Variants in KCNV1 observed in about 807,000 individuals in gnomAD.
The protein encoded by KCNV1 is potassium voltage-gated channel subfamily V member 1.
A neutral mutation model predicts 36.4 loss-of-function variants in KCNV1; 2 were observed. That is an observed-to-expected ratio of 0.05 (90% CI 0.02 to 0.17). The LOEUF (loss-of-function observed/expected upper bound fraction) is 0.17, where lower values mean the gene tolerates loss of function less well. Among genes scored for constraint, KCNV1 ranks in the 10% least tolerant of loss-of-function variants. KCNV1 has a pLI of 1.00. For synonymous variants in KCNV1, 280 were observed against 261.1 expected, an observed-to-expected ratio of 1.07 and a Z score of -0.70; for missense variants, 321 against 643.6, an observed-to-expected ratio of 0.50 and a Z score of 5.42.
Position 109,967,830 on chromosome 8 carries a change from A to G in KCNV1, c.*258T>C. 2.8e-6 allele frequency: 1 copy of G among 356,118 alleles called. No homozygotes were observed. The highest frequency in any genetic ancestry group is 5.1e-6 in the Non-Finnish European group (1 of 196,330). The allele number at this position is 356,118 out of a possible 1,614,324, so 22.1% of individuals were successfully genotyped here. On this transcript the variant is annotated 3_prime_UTR_variant, in exon 4 of 4. Transcript: ENST00000524391. ...CAATAACATTATTTTATATTTGACA[A>G]TTCAAACATGTTTATATTGGCCCAG...
In KCNV1 at chr8:109,967,958, A is replaced by G. The variant is rs191860698; in HGVS notation, c.*130T>C. On this transcript the variant is annotated 3_prime_UTR_variant, in exon 4 of 4. Transcript: ENST00000524391. ...GAAATATTCTAGTAGATGAAGCAAT[A>G]TATCAGCAAAAATTAATTAAGATGA... 5.8e-6 allele frequency: 5 copies of G among 864,290 alleles called. No homozygotes were observed. Among genetic ancestry groups the G allele is most frequent in the Non-Finnish European group, 8.7e-6 (5 of 574,426 alleles). 53.5% of individuals were successfully genotyped at this position (864,290 alleles called of 1,614,324 possible). A position where few individuals can be genotyped will look rare whatever the true frequency, so the allele number is the denominator to read the frequency against.
At chr8:109,973,793 C>T (rs377408505) in intron 2 of KCNV1, 135 bp downstream of exon 2, 4 of 549,522 alleles carry the variant, frequency 7.3e-6, no homozygotes, top group East Asian at 6.4e-5. Flanking sequence ...CACCTGTCAG[C>T]CCAGAAGTGG....
At position 109,972,530 on chromosome 8, in the gene KCNV1, T is replaced by C; in HGVS notation, c.719A>G (p.Gln240Arg). 6.2e-7 allele frequency: 1 copy of C among 1,614,194 alleles called. No homozygotes were observed. The highest frequency in any genetic ancestry group is 8.5e-7 in the Non-Finnish European group (1 of 1,180,044). The change falls in exon 3 of 4, where the codon CAG becomes CGG. Residue 240 changes from glutamine (Q) to arginine (R), a missense_variant. Gln to Arg is a conservative substitution (Grantham distance 43). Transcript: ENST00000524391. The surrounding 1 kb of genome is among the most constrained non-coding windows in gnomAD (Gnocchi z 5.2). ...MSAELSWLDL[Q>R]LLEILEYVCI... is the part of the protein sequence containing the mutation. ...CACATACTCCAGGATTTCCAGCAGC[T>C]GCAGGTCCAGCCAGCTTAACTCAGC...
At position 109,965,856 on chromosome 8, in the gene KCNV1, C is replaced by T. The variant is rs928863369; in HGVS notation, c.*2232G>A. ...AGGAAGAATGAAATCTGCAATTTGA[C>T]TTTTAGGAGTGTCGTTTTCCGGGTC... On this transcript the variant is annotated 3_prime_UTR_variant, in exon 4 of 4. Coordinates refer to ENST00000524391, the MANE Select transcript of KCNV1 (RefSeq NM_014379.4). 1 of 152,164 alleles carries T rather than the reference C, an allele frequency of 6.6e-6. No individual in the cohort carries two copies. The allele number at this position is 152,164 out of a possible 1,614,324, so 9.4% of individuals were successfully genotyped here. A position where few individuals can be genotyped will look rare whatever the true frequency, so the allele number is the denominator to read the frequency against.
In KCNV1 at chr8:109,968,253, T is replaced by C. The variant is rs538554637; in HGVS notation, c.1338A>G (p.Arg446=). Residue 446 remains arginine (R), a synonymous_variant, in exon 4 of 4, where the codon AGA becomes AGG. Coordinates refer to ENST00000524391, the MANE Select transcript of KCNV1 (RefSeq NM_014379.4). This position sits in a 1 kb window ranked among gnomAD's most constrained non-coding sequence, Gnocchi z 5.3. ...FTLKLKEAAV[R]QREALKKLTK... ...TAAGCTTCTTTAGGGCTTCACGCTG[T>C]CTAACAGCTGCTTCCTTGAGTTTCA... 9 of 1,614,172 alleles carry C rather than the reference T, an allele frequency of 5.6e-6. No individual in the cohort carries two copies. The South Asian group carries it at 8.8e-5, about 16-fold the overall frequency.
chr8:109,967,999 G>T lies in KCNV1; in HGVS notation c.*89C>A. On this transcript the variant is annotated 3_prime_UTR_variant, in exon 4 of 4. Coordinates refer to ENST00000524391, the MANE Select transcript of KCNV1 (RefSeq NM_014379.4). ...ATTAAGATGAGCAGTACTCTGAAGA[G>T]ACTCATCATCAGAATACAGAAATCC... 1 of 1,243,096 alleles carries T rather than the reference G, an allele frequency of 8.0e-7. No individual in the cohort carries two copies. The highest frequency in any genetic ancestry group is 1.1e-6 in the Non-Finnish European group (1 of 894,986). 77.0% of individuals were successfully genotyped at this position (1,243,096 alleles called of 1,614,324 possible).
intron 3 of KCNV1, among the ~76,000 whole-genome samples, chr8:109,971,278 G>T (rs191727249): frequency 1.0e-3 from 155 of 152,244 alleles, no homozygotes; most frequent in African/African-American, 3.1e-3. Flanking sequence ...TTTATAAAAT[G>T]TGTGCTCCTA....
Position 109,972,156 on chromosome 8 carries a change from A to T in KCNV1, c.991+102T>A. 8.2e-7 allele frequency: 1 copy of T among 1,213,548 alleles called. No homozygotes were observed. The highest frequency in any genetic ancestry group is 1.1e-6 in the Non-Finnish European group (1 of 879,010). 75.2% of individuals were successfully genotyped at this position (1,213,548 alleles called of 1,614,324 possible). ...GATCAGGTAAAGTATGGGAGTTGGT[A>T]ATTTTGAATATCAGTTCAGCGTTAC... is the stretch of plus-strand genomic sequence containing the variant. On this transcript the variant is annotated intron_variant, in intron 3 of 3. Coordinates refer to ENST00000524391, the MANE Select transcript of KCNV1 (RefSeq NM_014379.4). This position sits in a 1 kb window ranked among gnomAD's most constrained non-coding sequence, Gnocchi z 5.2.
At position 109,972,368 on chromosome 8, in the gene KCNV1, C is replaced by G. The variant is rs772251494; in HGVS notation, c.881G>C (p.Ser294Thr). Residue 294 changes from serine to threonine, a missense_variant, in exon 3 of 4, where the codon AGC becomes ACC. Ser to Thr is a moderately conservative substitution (Grantham distance 58). Coordinates refer to ENST00000524391, the MANE Select transcript of KCNV1 (RefSeq NM_014379.4). This position sits in a 1 kb window ranked among gnomAD's most constrained non-coding sequence, Gnocchi z 5.2. ...LPFYITLLVESLSGSQTTQEL... is the reference protein window; with the variant it reads ...LPFYITLLVETLSGSQTTQEL... Reference sequence around the variant, plus strand: ...CTGCGTGGTCTGGCTCCCACTTAGGCTCTCTACCAGAAGAGTGATGTAGAA... The same window carrying G: ...CTGCGTGGTCTGGCTCCCACTTAGGGTCTCTACCAGAAGAGTGATGTAGAA... 9.9e-6 allele frequency: 16 copies of G among 1,614,052 alleles called. No individual in the cohort carries two copies. Among genetic ancestry groups the G allele is most frequent in the Admixed American group, 3.3e-5 (2 of 59,972 alleles).
rs767747328 is a variant in KCNV1 at position 109,968,100 on chromosome 8, A to G, written c.1491T>C (p.Asp497=). Residue 497 remains aspartate, a synonymous_variant, in exon 4 of 4, where the codon GAT becomes GAC. Transcript: ENST00000524391. The surrounding 1 kb of genome is among the most constrained non-coding windows in gnomAD (Gnocchi z 5.3). ...RASTRSSGGD[D]FWF is the part of the protein sequence containing the mutation. Reference sequence around the variant, plus strand: ...ATTGAAAATTAATTCAAAACCAGAAATCATCTCCCCCGCTGCTCCTAGTAC... The same window carrying G: ...ATTGAAAATTAATTCAAAACCAGAAGTCATCTCCCCCGCTGCTCCTAGTAC... 3 of 1,600,888 alleles carry G rather than the reference A, an allele frequency of 1.9e-6. No individual in the cohort carries two copies. Among genetic ancestry groups the G allele is most frequent in the Non-Finnish European group, 2.6e-6 (3 of 1,172,524 alleles).
In KCNV1 at chr8:109,968,170, C is replaced by T. The variant is rs1415790328; in HGVS notation, c.1421G>A (p.Arg474Gln). Residue 474 changes from arginine to glutamine, a missense_variant, in exon 4 of 4, where the codon CGG becomes CAG. By Grantham distance (43) the Arg-to-Gln change is conservative. Transcript: ENST00000524391. The surrounding 1 kb of genome is among the most constrained non-coding windows in gnomAD (Gnocchi z 5.3). ...ISVNLRDVYA[R>Q]SIMEMLRLKG... Reference sequence around the variant, plus strand: ...CAGTCGCAGCATCTCCATGATACTCCGGGCATAGACATCTCTCAAGTTAAC... The same window carrying T: ...CAGTCGCAGCATCTCCATGATACTCTGGGCATAGACATCTCTCAAGTTAAC... The T allele has an allele frequency of 3.7e-6, 6 of 1,614,128 alleles. No homozygotes were observed. The highest frequency in any genetic ancestry group is 2.2e-5 in the East Asian group (1 of 44,880).
chr8:109,967,948 A>T lies in KCNV1; in HGVS notation c.*140T>A. 2 of 778,442 alleles carry T rather than the reference A, an allele frequency of 2.6e-6. No homozygotes were observed. Among genetic ancestry groups the T allele is most frequent in the Non-Finnish European group, 2.0e-6 (1 of 498,600 alleles). 48.2% of individuals were successfully genotyped at this position (778,442 alleles called of 1,614,324 possible). On this transcript the variant is annotated 3_prime_UTR_variant, in exon 4 of 4. Coordinates refer to ENST00000524391, the MANE Select transcript of KCNV1 (RefSeq NM_014379.4). The stretch of plus-strand genomic sequence containing the variant: ...TAGGTGATGTGAAATATTCTAGTAG[A>T]TGAAGCAATATATCAGCAAAAATTA...
chr8:109,973,607 G>T (rs1820039567), intron 2 of KCNV1, among the ~76,000 whole-genome samples: 1 of 152,150 alleles, frequency 6.6e-6, no homozygotes, highest in Non-Finnish European at 1.5e-5. Flanking sequence ...CCCTATGCAT[G>T]CATTTTTGGA....
Position 109,974,181 on chromosome 8 carries a change from C to A in KCNV1, c.208G>T (p.Val70Leu). 6.3e-7 allele frequency: 1 copy of A among 1,596,178 alleles called. No individual in the cohort carries two copies. The highest frequency in any genetic ancestry group is 8.5e-7 in the Non-Finnish European group (1 of 1,171,966). The change falls in exon 2 of 4, where the codon GTG (valine) becomes TTG (leucine). Residue 70 changes from valine to leucine, a missense_variant. By Grantham distance (32) the Val-to-Leu change is conservative (BLOSUM62 1). Transcript: ENST00000524391. This position sits in a 1 kb window ranked among gnomAD's most constrained non-coding sequence, Gnocchi z 6.2. The part of the protein sequence containing the change: ...FPHTRLGKLA[V>L]VVASYRRPGA... Reference sequence around the variant, plus strand: ...GGGCGGCGGTAGGAAGCCACCACCACGGCCAGCTTGCCAAGGCGCGTGTGC... The same window carrying A: ...GGGCGGCGGTAGGAAGCCACCACCAAGGCCAGCTTGCCAAGGCGCGTGTGC...
chr8:109,970,274 T>A lies in KCNV1; in HGVS notation c.992-1675A>T, dbSNP rs147324537. Among the ~76,000 whole-genome samples, 77 of 152,346 alleles carry A rather than the reference T, an allele frequency of 5.1e-4. No individual in the cohort carries two copies. The East Asian group carries it at 0.014, about 29-fold the overall frequency. On this transcript the variant is annotated intron_variant, in intron 3 of 3. Transcript: ENST00000524391. ...CTTGATGTGTCTACATGGAATTATG[T>A]TCCTTAAATAAATTCACAGCATATG...
chr8:109,971,226 G>T (rs1019565710), intron 3 of KCNV1, among the ~76,000 whole-genome samples: 1 of 152,006 alleles, frequency 6.6e-6, no homozygotes, highest in Non-Finnish European at 1.5e-5. Context: ...TCTAGGTTTG[G>T]TCCAAGAACC....
rs1046336087 is a variant in KCNV1 at position 109,963,645 on chromosome 8, T to C, written c.*4443A>G. The C allele has an allele frequency of 2.6e-5, 4 of 152,204 alleles. No individual in the cohort carries two copies. Among genetic ancestry groups the C allele is most frequent in the African/African-American group, 9.7e-5 (4 of 41,444 alleles). 9.4% of individuals were successfully genotyped at this position (152,204 alleles called of 1,614,324 possible). On this transcript the variant is annotated 3_prime_UTR_variant, in exon 4 of 4. Coordinates refer to ENST00000524391, the MANE Select transcript of KCNV1 (RefSeq NM_014379.4). ...AAATTGGGTCAGCATATATATTTTCTGCAACAGCTAATCAAAATATTTTAA... is the reference window on the plus strand; with the variant it reads ...AAATTGGGTCAGCATATATATTTTCCGCAACAGCTAATCAAAATATTTTAA...
At position 109,971,530 on chromosome 8, in the gene KCNV1, G is replaced by A. The variant is rs558200257; in HGVS notation, c.991+728C>T. 2.6e-3 allele frequency among the ~76,000 whole-genome samples: 394 copies of A among 152,154 alleles called. 4 individuals are homozygous for A. The highest frequency in any genetic ancestry group is 9.1e-3 in the African/African-American group (379 of 41,492). On this transcript the variant is annotated intron_variant, in intron 3 of 3. Coordinates refer to ENST00000524391, the MANE Select transcript of KCNV1 (RefSeq NM_014379.4). ...TTTCACGTATCTTATGTGTTTGTGT[G>A]TGTGTTATATGGAGACTTTTCTAGG...
chr8:109,969,390 C>T (rs1247259295), intron 3 of KCNV1, among the ~76,000 whole-genome samples: 2 of 152,108 alleles, frequency 1.3e-5, no homozygotes, highest in Non-Finnish European at 2.9e-5. Context: ...GAATATTCCT[C>T]CATTGCAAAA....
Sources: allele counts gnomAD v4.1 joint callset (sites outside exome capture counted in the v4.1 genomes callset), GRCh38; gene constraint gnomAD v4.1.1; non-coding constraint Gnocchi (gnomAD v3.1); transcripts MANE v1.5; gene names NCBI Gene and HGNC (gene_info 2026-07-23, HGNC 2026-07-21).